Variants in ENTREP2 observed in about 807,000 individuals in gnomAD.
ENTREP2 encodes endosomal transmembrane epsin interactor 2, also known as protein ENTREP2.
the ENTREP2 span, among the ~76,000 whole-genome samples, chr15:29,344,494 G>A: frequency 2.6e-5 from 4 of 152,032 alleles, no homozygotes; most frequent in African/African-American, 4.8e-5. Context: ...TTATAGAAGG[G>A]TCTTTACTTT....
chr15:29,294,700 C>A, the ENTREP2 span, among the ~76,000 whole-genome samples: 1 of 152,112 alleles, frequency 6.6e-6, no homozygotes, highest in South Asian at 2.1e-4. Flanking sequence ...ATTAAAACGC[C>A]GTGACTTTCT....
the ENTREP2 span, among the ~76,000 whole-genome samples, chr15:29,273,090 G>A: frequency 6.6e-6 from 1 of 152,126 alleles, no homozygotes; most frequent in Admixed American, 6.5e-5. Context: ...AAGGTTATTC[G>A]GGGTCCCCTT....
At chr15:29,651,102 G>A in the ENTREP2 span, among the ~76,000 whole-genome samples, 1 of 152,172 alleles carries the variant, frequency 6.6e-6, no homozygotes, top group South Asian at 2.1e-4. Flanking sequence ...GTGGCCATCA[G>A]GTCAGCCTGT....
the ENTREP2 span, among the ~76,000 whole-genome samples, chr15:29,339,626 G>GC: frequency 6.6e-6 from 1 of 152,150 alleles, no homozygotes; most frequent in Non-Finnish European, 1.5e-5. Context: ...AACAGCAGTG[G>GC]CCCCCAGCAG....
the ENTREP2 span, among the ~76,000 whole-genome samples, chr15:29,657,243 T>G: frequency 6.6e-6 from 1 of 151,614 alleles, no homozygotes; most frequent in East Asian, 1.9e-4. Context: ...GCATTTTTAG[T>G]GGCTACAGGG....
the ENTREP2 span, among the ~76,000 whole-genome samples, chr15:29,402,671 A>T: frequency 6.6e-6 from 1 of 152,206 alleles, no homozygotes; most frequent in African/African-American, 2.4e-5. Flanking sequence ...AAGAAGGAAA[A>T]GCAGGTTGCA....
chr15:29,501,678 A>G, the ENTREP2 span, among the ~76,000 whole-genome samples: 10 of 152,164 alleles, frequency 6.6e-5, no homozygotes, highest in African/African-American at 9.6e-5. Context: ...GCAAAAAAGA[A>G]TGCTGTAGGC....
chr15:29,647,593 CTTT>C, the ENTREP2 span, among the ~76,000 whole-genome samples: 14 of 152,172 alleles, frequency 9.2e-5, no homozygotes, highest in African/African-American at 2.6e-4. Context: ...TAGGTATTTT[CTTT>C]ATTTAGAATG....
the ENTREP2 span, among the ~76,000 whole-genome samples, chr15:29,253,058 A>C: frequency 3.3e-5 from 5 of 152,238 alleles, no homozygotes; most frequent in African/African-American, 1.2e-4. Context: ...AGGAATTGAG[A>C]AGCTTTCTGA....
chr15:29,211,872 G>T, the ENTREP2 span, among the ~76,000 whole-genome samples: 1 of 151,078 alleles, frequency 6.6e-6, no homozygotes. Context: ...TGTTGGATTT[G>T]GTTAGCTAAT....
chr15:29,300,397 A>G, the ENTREP2 span, among the ~76,000 whole-genome samples: 7 of 98,336 alleles, frequency 7.1e-5, no homozygotes, highest in Admixed American at 3.9e-4. Context: ...ATAGATGGAT[A>G]AATGGATGGA....
At chr15:29,379,549 C>T in the ENTREP2 span, among the ~76,000 whole-genome samples, 9 of 152,286 alleles carry the variant, frequency 5.9e-5, no homozygotes, top group South Asian at 6.2e-4. Flanking sequence ...TCCAACTATG[C>T]GGCAGGGCTG....
chr15:29,164,793 A>T, the ENTREP2 span, among the ~76,000 whole-genome samples: 9 of 152,206 alleles, frequency 5.9e-5, no homozygotes, highest in African/African-American at 2.2e-4. Flanking sequence ...TCAACAAAGA[A>T]ACAATGGATT....
the ENTREP2 span, among the ~76,000 whole-genome samples, chr15:29,133,518 C>T: frequency 2.0e-5 from 3 of 152,184 alleles, no homozygotes; most frequent in Non-Finnish European, 4.4e-5. Flanking sequence ...TGCCCTCCAT[C>T]GCATCAAAGC....
the ENTREP2 span, among the ~76,000 whole-genome samples, chr15:29,457,598 C>A: frequency 2.6e-5 from 4 of 152,160 alleles, no homozygotes; most frequent in Admixed American, 2.0e-4. Flanking sequence ...GTCCTGTCAG[C>A]GCTGGCACCC....
At chr15:29,652,258 G>A in the ENTREP2 span, among the ~76,000 whole-genome samples, 2 of 152,304 alleles carry the variant, frequency 1.3e-5, no homozygotes, top group African/African-American at 4.8e-5. Context: ...ACCCACCCCA[G>A]GGCCTTCTCC....
the ENTREP2 span, among the ~76,000 whole-genome samples, chr15:29,167,650 C>A: frequency 3.4e-3 from 513 of 152,224 alleles, 1 homozygote; most frequent in African/African-American, 0.011. Context: ...TGGCCATAAT[C>A]AAAAAATCAA....
the ENTREP2 span, among the ~76,000 whole-genome samples, chr15:29,641,663 C>T: frequency 4.6e-5 from 7 of 151,762 alleles, no homozygotes; most frequent in Admixed American, 1.3e-4. Context: ...GAAACCCTGT[C>T]TCTAAAAAAA....
the ENTREP2 span, among the ~76,000 whole-genome samples, chr15:29,284,225 T>C: frequency 6.6e-6 from 1 of 152,162 alleles, no homozygotes; most frequent in Admixed American, 6.5e-5. Flanking sequence ...GAAAATCATA[T>C]AAGCTTCCAG....
Sources: gnomAD v4.1 joint callset for allele counts (sites outside exome capture counted in the v4.1 genomes callset) on GRCh38, gnomAD v4.1.1 for gene constraint, MANE v1.5 for transcripts, NCBI Gene and HGNC (gene_info 2026-07-23, HGNC 2026-07-21) for gene names.